Variants in LRP1B observed in about 807,000 individuals in gnomAD.
LRP1B encodes low-density lipoprotein receptor-related protein 1B.
LRP1B carries 217 observed loss-of-function variants against 556.6 expected under a neutral mutation model. That is an observed-to-expected ratio of 0.39 (90% CI 0.35 to 0.44). The LOEUF is 0.44. Ranked by LOEUF, LRP1B falls within the 20% of genes least tolerant of loss-of-function variation. LRP1B has a pLI of 1.00. For synonymous variants in LRP1B, 2,047 were observed against 1,865.8 expected (o/e 1.10, Z -2.50); for missense variants, 5,053 against 5,620.8 (o/e 0.90, Z 3.23).
chr2:141,994,767 TCTC>T (rs1003098785), intron 1 of LRP1B, among the ~76,000 whole-genome samples: 4 of 152,178 alleles, frequency 2.6e-5, no homozygotes, highest in African/African-American at 9.7e-5. Context: ...CTTTTATCTA[TCTC>T]TTCTATAGTT....
At position 141,458,296 on chromosome 2, in the gene LRP1B, C is replaced by T. The variant is rs576650434; in HGVS notation, c.343+22100G>A. ...CTCCTTGAACTGACATCAGAATTCC[C>T]AATGTAGTCTAGGAAAAGTACTTAG... On this transcript the variant is annotated intron_variant, in intron 3 of 90. Transcript: ENST00000389484. 6.6e-5 allele frequency among the ~76,000 whole-genome samples: 10 copies of T among 152,246 alleles called. No individual in the cohort carries two copies. The South Asian group carries it at 2.1e-3, about 32-fold the overall frequency.
At chr2:141,497,113 ATAT>A (rs1439477160) in intron 2 of LRP1B, among the ~76,000 whole-genome samples, 1 of 152,040 alleles carries the variant, frequency 6.6e-6, no homozygotes, top group Non-Finnish European at 1.5e-5. Context: ...GCAATTTCTC[ATAT>A]ATTATAAATA....
intron 2 of LRP1B, among the ~76,000 whole-genome samples, chr2:141,673,139 T>A (rs1038539686): frequency 2.0e-5 from 3 of 152,226 alleles, no homozygotes; most frequent in African/African-American, 7.2e-5. Context: ...ATTTTCCTTT[T>A]CTAAAAAGAA....
chr2:140,851,537 TG>T (rs1692454950), intron 28 of LRP1B, 114 bp downstream of exon 28: 27 of 1,192,146 alleles, frequency 2.3e-5, no homozygotes, highest in Non-Finnish European at 3.2e-5. Flanking sequence ...AAAATATTTT[TG>T]AAAACAGAAA....
chr2:140,942,526 A>G (rs550241764), intron 20 of LRP1B, among the ~76,000 whole-genome samples: 2 of 152,248 alleles, frequency 1.3e-5, no homozygotes, highest in African/African-American at 4.8e-5. Flanking sequence ...AAACATTTTA[A>G]AGGCAGCTAG....
chr2:141,554,507 A>T (rs1464309696), intron 2 of LRP1B, among the ~76,000 whole-genome samples: 2 of 151,726 alleles, frequency 1.3e-5, no homozygotes, highest in African/African-American at 4.8e-5. Context: ...AGGATTAGAG[A>T]GTACATTTTT....
At chr2:140,478,715 C>T (rs1186005845) in intron 59 of LRP1B, among the ~76,000 whole-genome samples, 2 of 152,012 alleles carry the variant, frequency 1.3e-5, no homozygotes, top group Non-Finnish European at 2.9e-5. Context: ...AACTTAGGAG[C>T]TTTAATTAGC....
chr2:140,424,265 A>T (rs555474480), intron 66 of LRP1B, among the ~76,000 whole-genome samples: 5 of 152,356 alleles, frequency 3.3e-5, no homozygotes, highest in African/African-American at 9.6e-5. Context: ...AATCCAAAAA[A>T]TTTTTTAAAA....
At chr2:140,982,111 T>G in intron 18 of LRP1B, 49 bp downstream of exon 18, 2 of 1,416,894 alleles carry the variant, frequency 1.4e-6, no homozygotes, top group Non-Finnish European at 1.0e-6. Context: ...TGGTAGGGTA[T>G]CCTATCTGAC....
At position 141,224,234 on chromosome 2, in the gene LRP1B, CAT is replaced by C. The variant is rs147832835; in HGVS notation, c.850+4947_850+4948del. On this transcript the variant is annotated intron_variant, in intron 6 of 90. Coordinates refer to ENST00000389484, the MANE Select transcript of LRP1B (RefSeq NM_018557.3). ...AGATGACATGTATATGGCCAGCAAACATGTGGAAAATAGCTCAACATCACTGA... is the reference window on the plus strand; with the variant it reads ...AGATGACATGTATATGGCCAGCAAACGTGGAAAATAGCTCAACATCACTGA... 5.0e-3 allele frequency among the ~76,000 whole-genome samples: 757 copies of C among 152,162 alleles called. 5 individuals carry two copies. Among genetic ancestry groups the C allele is most frequent in the African/African-American group, 0.017 (718 of 41,514 alleles).
chr2:140,429,343 C>T (rs1282367897), intron 66 of LRP1B, among the ~76,000 whole-genome samples: 1 of 152,148 alleles, frequency 6.6e-6, no homozygotes, highest in Non-Finnish European at 1.5e-5. Context: ...ACTCTCCTAT[C>T]CTCAATACTT....
intron 31 of LRP1B, among the ~76,000 whole-genome samples, chr2:140,830,999 A>G (rs1025161865): frequency 3.3e-5 from 5 of 152,154 alleles, no homozygotes; most frequent in African/African-American, 9.6e-5. Flanking sequence ...AATTTAACCA[A>G]AGAAATAAAA....
intron 11 of LRP1B, 33 bp downstream of exon 11, chr2:141,048,953 G>C (rs1024190334): frequency 6.8e-7 from 1 of 1,468,364 alleles, no homozygotes; most frequent in Middle Eastern, 1.7e-4. Context: ...TCATCTCTGG[G>C]TAGTTTGATG....
rs116717977 is a variant in LRP1B, at chr2:141,858,073, C to T, written c.83-47672G>A. Among the ~76,000 whole-genome samples, 1,197 of 152,052 alleles carry T rather than the reference C, an allele frequency of 7.9e-3. 22 individuals are homozygous for T. Among genetic ancestry groups the T allele is most frequent in the African/African-American group, 0.027 (1,137 of 41,460 alleles). ...TCCAAGTAGGTACCCTAATTCAAAC[C>T]CTCCAATTTTTGCTGTACCTTATCA... is the stretch of plus-strand genomic sequence containing the variant. On this transcript the variant is annotated intron_variant, in intron 1 of 90. Transcript: ENST00000389484.
At chr2:140,275,749 G>T (rs912082618) in intron 84 of LRP1B, among the ~76,000 whole-genome samples, 1 of 151,904 alleles carries the variant, frequency 6.6e-6, no homozygotes, top group East Asian at 1.9e-4. Flanking sequence ...CATCAGTCAC[G>T]AAACTCCCTG....
rs1399653108 is a variant in LRP1B, at chr2:140,373,044, A to C, written c.10732T>G (p.Cys3578Gly). The C allele has an allele frequency of 6.2e-7, 1 of 1,613,518 alleles. No homozygotes were observed. Among genetic ancestry groups the C allele is most frequent in the Non-Finnish European group, 8.5e-7 (1 of 1,179,662 alleles). The change falls in exon 69 of 91, where the codon TGC becomes GGC. Residue 3578 changes from cysteine to glycine, a missense_variant. Physicochemically the swap from Cys to Gly is radical, Grantham distance 159. Coordinates refer to ENST00000389484, the MANE Select transcript of LRP1B (RefSeq NM_018557.3). ...CTTTTCTCATCTTCCCCATATTTGC[A>C]GTCTTCATGGCCATCACATTTCCAT... ...AKWKCDGHED[C>G]KYGEDEKSCE...
At chr2:140,989,684 AT>A (rs1234219336) in intron 16 of LRP1B, 27 bp from the exon 17 acceptor site, 1 of 1,607,802 alleles carries the variant, frequency 6.2e-7, no homozygotes, top group Non-Finnish European at 8.5e-7. Flanking sequence ...AGCAAGATTA[AT>A]TATTTAAAAT....
At chr2:141,730,845 C>T (rs1693241980) in intron 2 of LRP1B, among the ~76,000 whole-genome samples, 1 of 152,140 alleles carries the variant, frequency 6.6e-6, no homozygotes, top group Non-Finnish European at 1.5e-5. Flanking sequence ...TCATATTCTT[C>T]ACTGGACAGA....
chr2:141,065,755 C>T (rs1181826943), intron 7 of LRP1B, among the ~76,000 whole-genome samples: 1 of 151,776 alleles, frequency 6.6e-6, no homozygotes, highest in African/African-American at 2.4e-5. Flanking sequence ...GTTTGGAATC[C>T]CATTCATTCC....
Sources: allele counts gnomAD v4.1 joint callset (sites outside exome capture counted in the v4.1 genomes callset), GRCh38; gene constraint gnomAD v4.1.1; transcripts MANE v1.5; gene names NCBI Gene and HGNC (gene_info 2026-07-23, HGNC 2026-07-21).